The following ARHGAP24 variants were observed in gnomAD, a reference collection of about 807,000 sequenced individuals.
The protein encoded by ARHGAP24 is Rho GTPase activating protein 24, also known as rho GTPase-activating protein 24.
ARHGAP24 carries 50 observed loss-of-function variants against 76.4 expected under a neutral mutation model. The observed-to-expected ratio is 0.65, with a 90% confidence interval of 0.52 to 0.83. ARHGAP24 has a LOEUF of 0.83. ARHGAP24 is among the 40% of genes least tolerant of loss of function. ARHGAP24 has a pLI of 0.00. For synonymous variants in ARHGAP24, 345 were observed against 323.3 expected (o/e 1.07, Z -0.72); for missense variants, 930 against 914.2 (o/e 1.02, Z -0.22).
chr4:85,873,839 C>T (rs1732672634), intron 3 of ARHGAP24, among the ~76,000 whole-genome samples: 1 of 152,156 alleles, frequency 6.6e-6, no homozygotes, highest in Admixed American at 6.5e-5. Context: ...AGAGCAGTGG[C>T]TTCAAAACAT....
chr4:85,728,436 G>A (rs1326396251), intron 3 of ARHGAP24, among the ~76,000 whole-genome samples: 3 of 151,880 alleles, frequency 2.0e-5, no homozygotes, highest in African/African-American at 7.3e-5. Flanking sequence ...ATGTTCCTAT[G>A]CATTTATCTA....
chr4:85,841,605 T>C (rs145681371), intron 3 of ARHGAP24, among the ~76,000 whole-genome samples: 1 of 152,258 alleles, frequency 6.6e-6, no homozygotes, highest in East Asian at 1.9e-4. Flanking sequence ...CATTTGTTTT[T>C]AGTGGAATCT....
intron 3 of ARHGAP24, among the ~76,000 whole-genome samples, chr4:85,872,452 A>T (rs1296681700): frequency 6.6e-6 from 1 of 151,386 alleles, no homozygotes; most frequent in Non-Finnish European, 1.5e-5. Context: ...GTCCACCACC[A>T]CGCCCAGCTA....
chr4:85,841,366 G>C (rs184312055), intron 3 of ARHGAP24, among the ~76,000 whole-genome samples: 57 of 152,272 alleles, frequency 3.7e-4, no homozygotes, highest in Non-Finnish European at 2.5e-4. Context: ...GAGCTAAACT[G>C]TGTTGATTGT....
intron 2 of ARHGAP24, among the ~76,000 whole-genome samples, chr4:85,685,354 T>C (rs112591045): frequency 0.051 from 7,766 of 152,116 alleles, 634 homozygotes; most frequent in African/African-American, 0.18. Flanking sequence ...AAAGTGGGGC[T>C]GTGCACGGTG....
chr4:85,871,548 G>A (rs1732524542), intron 3 of ARHGAP24, among the ~76,000 whole-genome samples: 1 of 152,148 alleles, frequency 6.6e-6, no homozygotes, highest in South Asian at 2.1e-4. Flanking sequence ...TAAGCTAAAT[G>A]TATACCCAAT....
In ARHGAP24 at chr4:85,995,633, T is replaced by G. The variant is rs916486752; in HGVS notation, c.1979T>G (p.Ile660Arg). 6.2e-7 allele frequency: 1 copy of G among 1,613,766 alleles called. No homozygotes were observed. The highest frequency in any genetic ancestry group is 8.5e-7 in the Non-Finnish European group (1 of 1,179,956). Residue 660 changes from isoleucine (I) to arginine (R), a missense_variant, in exon 9 of 10, where the codon ATA (isoleucine) becomes AGA (arginine). By Grantham distance (97) the Ile-to-Arg change is moderately conservative (BLOSUM62 -3). Coordinates refer to ENST00000395184, the MANE Select transcript of ARHGAP24 (RefSeq NM_001025616.3). The stretch of plus-strand genomic sequence containing the variant: ...AAACAGGAAATGACCAAACAGAAGA[T>G]AGAGTATGAGTCCAGGATAAAGAGG... ...SLKQEMTKQK[I>R]EYESRIKSLE...
chr4:85,658,875 G>A (rs1401201041), intron 2 of ARHGAP24, among the ~76,000 whole-genome samples: 1 of 152,180 alleles, frequency 6.6e-6, no homozygotes, highest in East Asian at 1.9e-4. Flanking sequence ...CAAGCAGCTT[G>A]GGTCAAGGTG....
In ARHGAP24 at chr4:85,706,518, C is replaced by T. The variant is rs11940102; in HGVS notation, c.181-15367C>T. Among the ~76,000 whole-genome samples, 1,299 of 151,850 alleles carry T rather than the reference C, an allele frequency of 8.6e-3. 15 individuals carry two copies. The highest frequency in any genetic ancestry group is 0.029 in the African/African-American group (1,208 of 41,434). On this transcript the variant is annotated intron_variant, in intron 2 of 9. Coordinates refer to ENST00000395184, the MANE Select transcript of ARHGAP24 (RefSeq NM_001025616.3). ...ACAGATTTCCACTAGACACAAAACACATTTCCCTGAAACACGTGCTTTTCA... is the reference window on the plus strand; with the variant it reads ...ACAGATTTCCACTAGACACAAAACATATTTCCCTGAAACACGTGCTTTTCA...
At chr4:85,822,348 G>A (rs958702856) in intron 3 of ARHGAP24, among the ~76,000 whole-genome samples, 2 of 152,004 alleles carry the variant, frequency 1.3e-5, no homozygotes. Context: ...TAAGACTTTT[G>A]TGCTGAAGAC....
intron 3 of ARHGAP24, among the ~76,000 whole-genome samples, chr4:85,763,914 T>G (rs979654674): frequency 6.6e-6 from 1 of 152,178 alleles, no homozygotes; most frequent in East Asian, 1.9e-4. Context: ...ATAAACAGAA[T>G]TGATATTTAC....
chr4:85,851,126 G>A (rs1731204122), intron 3 of ARHGAP24, among the ~76,000 whole-genome samples: 1 of 152,090 alleles, frequency 6.6e-6, no homozygotes, highest in Non-Finnish European at 1.5e-5. Flanking sequence ...TATGAATCTG[G>A]GCGCTCCTGT....
intron 1 of ARHGAP24, among the ~76,000 whole-genome samples, chr4:85,552,551 A>G (rs2110129942): frequency 6.6e-6 from 1 of 152,262 alleles, no homozygotes; most frequent in South Asian, 2.1e-4. Flanking sequence ...TCAAGTGTTG[A>G]GTTCAAGTCC....
rs2904068 is a variant in ARHGAP24, at chr4:85,556,414, G to A, written c.-20-14108G>A. 7.0e-3 allele frequency among the ~76,000 whole-genome samples: 1,069 copies of A among 152,218 alleles called. 27 individuals are homozygous for A. Among genetic ancestry groups the A allele is most frequent in the East Asian group, 0.065 (335 of 5,152 alleles). On this transcript the variant is annotated intron_variant, in intron 1 of 9. Coordinates refer to ENST00000395184, the MANE Select transcript of ARHGAP24 (RefSeq NM_001025616.3). ...GGTGAAGAGTGGGGTGTGGGAGCTC[G>A]CTGGAAAGAGACTGGGCTCCTCTCC...
At chr4:85,889,241 A>G (rs555318071) in intron 3 of ARHGAP24, among the ~76,000 whole-genome samples, 1 of 152,340 alleles carries the variant, frequency 6.6e-6, no homozygotes, top group African/African-American at 2.4e-5. Context: ...TATAACAGGA[A>G]CTTAACTTCC....
intron 1 of ARHGAP24, among the ~76,000 whole-genome samples, chr4:85,528,291 A>G (rs554530346): frequency 1.3e-5 from 2 of 152,248 alleles, no homozygotes; most frequent in Admixed American, 6.5e-5. Flanking sequence ...GTAGGGCTGC[A>G]TAGAAGGCAA....
At chr4:85,801,214 A>G (rs1294782782) in intron 3 of ARHGAP24, among the ~76,000 whole-genome samples, 1 of 152,196 alleles carries the variant, frequency 6.6e-6, no homozygotes, top group East Asian at 1.9e-4. Context: ...CCTATATCCT[A>G]CTTTTTACTC....
chr4:85,661,068 A>T (rs1722364684), intron 2 of ARHGAP24, among the ~76,000 whole-genome samples: 2 of 152,306 alleles, frequency 1.3e-5, no homozygotes, highest in Admixed American at 6.5e-5. Context: ...GATGATTCAT[A>T]TGTGTTACAA....
At chr4:85,844,424 G>T (rs1730759848) in intron 3 of ARHGAP24, among the ~76,000 whole-genome samples, 1 of 152,138 alleles carries the variant, frequency 6.6e-6, no homozygotes, top group African/African-American at 2.4e-5. Context: ...TGTTAATTTA[G>T]GCCACTTTGT....
Sources: gnomAD v4.1 joint callset for allele counts (sites outside exome capture counted in the v4.1 genomes callset) on GRCh38, gnomAD v4.1.1 for gene constraint, MANE v1.5 for transcripts, NCBI Gene and HGNC (gene_info 2026-07-23, HGNC 2026-07-21) for gene names.